NAA16: variants seen among roughly 807,000 people sequenced by gnomAD.
NAA16 encodes NARG1-like protein.
A neutral mutation model predicts 110.3 loss-of-function variants in NAA16; 97 were observed. The observed-to-expected ratio is 0.88, with a 90% CI of 0.75 to 1.04. The LOEUF (loss-of-function observed/expected upper bound fraction) is 1.04, where lower values mean the gene tolerates loss of function less well. Among genes scored for constraint, NAA16 ranks in the 50% least tolerant of loss-of-function variants. The pLI is 0.00. For missense variants in NAA16, 1,017 were observed against 1,005.1 expected, an observed-to-expected ratio of 1.01 and a Z score of -0.16; for synonymous variants, 372 against 330.6, an observed-to-expected ratio of 1.13 and a Z score of -1.36.
chr13:41,346,009 A>G (rs553812363), intron 9 of NAA16, among the ~76,000 whole-genome samples: 23 of 152,320 alleles, frequency 1.5e-4, no homozygotes, highest in African/African-American at 4.8e-4. Context: ...TTTAATTTGG[A>G]TGAAGTCCAG....
intron 13 of NAA16, among the ~76,000 whole-genome samples, chr13:41,366,463 G>C (rs776015259): frequency 6.6e-6 from 1 of 152,080 alleles, no homozygotes; most frequent in Non-Finnish European, 1.5e-5. Context: ...AAAAACTAAC[G>C]TATGAAAAAA....
chr13:41,349,043 G>T (rs550950733), intron 9 of NAA16, among the ~76,000 whole-genome samples: 1 of 152,026 alleles, frequency 6.6e-6, no homozygotes, highest in African/African-American at 2.4e-5. Context: ...CTAGCTAAAG[G>T]TTTGCCAATT....
At position 41,331,338 on chromosome 13, in the gene NAA16, A is replaced by G. The variant is rs770101752; in HGVS notation, c.876A>G (p.Thr292=). ...GTAAGCAGCACCCCAAAGCAATTAC[A>G]CCCAGAAGATTACCTTTGACTCTTG... ...EISKQHPKAI[T]PRRLPLTLVP... is the part of the protein sequence containing the mutation. The change falls in exon 8 of 20, where the codon ACA becomes ACG. Residue 292 remains threonine, a synonymous_variant. Coordinates refer to ENST00000379406, the MANE Select transcript of NAA16 (RefSeq NM_024561.5). 2.5e-6 allele frequency: 4 copies of G among 1,609,356 alleles called. No individual in the cohort carries two copies. The highest frequency in any genetic ancestry group is 2.5e-6 in the Non-Finnish European group (3 of 1,177,080).
At chr13:41,344,344 G>A (rs9566750) in intron 9 of NAA16, among the ~76,000 whole-genome samples, 14,190 of 152,262 alleles carry the variant, frequency 0.093, 788 homozygotes, top group East Asian at 0.23. Flanking sequence ...ACCAGATTTG[G>A]TGATTTTTAT....
At position 41,323,084 on chromosome 13, in the gene NAA16, G is replaced by A. The variant is rs1379207836; in HGVS notation, c.431G>A (p.Arg144His). ...ACAAGATACCAGCTTCTTCAGTTGC[G>A]CCCCACACAGCGTGCCTCCTGGATT... is the stretch of plus-strand genomic sequence containing the variant. The part of the protein sequence containing the change: ...RETRYQLLQL[R>H]PTQRASWIGY... Residue 144 changes from arginine to histidine, a missense_variant, in exon 5 of 20, where the codon CGC becomes CAC. Coordinates refer to ENST00000379406, the MANE Select transcript of NAA16 (RefSeq NM_024561.5). 3.1e-6 allele frequency: 5 copies of A among 1,613,922 alleles called. No homozygotes were observed. The highest frequency in any genetic ancestry group is 1.1e-5 in the South Asian group (1 of 91,060).
intron 9 of NAA16, among the ~76,000 whole-genome samples, chr13:41,341,941 C>T (rs2042560116): frequency 6.6e-6 from 1 of 151,058 alleles, no homozygotes; most frequent in Non-Finnish European, 1.5e-5. Context: ...GCGCCATTCT[C>T]CTGCCTCAGC....
chr13:41,336,473 A>G (rs532224424), intron 8 of NAA16, among the ~76,000 whole-genome samples, 177 bp from the exon 9 acceptor site: 1 of 152,324 alleles, frequency 6.6e-6, no homozygotes, highest in African/African-American at 2.4e-5. Context: ...GATATTTGAT[A>G]TTGTGCTAAA....
At chr13:41,353,879 T>C (rs2042910337) in intron 9 of NAA16, among the ~76,000 whole-genome samples, 1 of 152,146 alleles carries the variant, frequency 6.6e-6, no homozygotes, top group South Asian at 2.1e-4. Context: ...GTATTATTAA[T>C]GATCTGAAGA....
intron 4 of NAA16, 123 bp downstream of exon 4, chr13:41,320,947 A>G: frequency 2.4e-6 from 2 of 830,148 alleles, no homozygotes; most frequent in Non-Finnish European, 3.6e-6. Context: ...TAGAAGGTGT[A>G]TGTCGCTTGG....
intron 9 of NAA16, among the ~76,000 whole-genome samples, chr13:41,341,484 A>C (rs2042545255): frequency 1.3e-5 from 2 of 152,174 alleles, no homozygotes; most frequent in South Asian, 2.1e-4. Flanking sequence ...TGGGAGGCTG[A>C]GGTGGGAGGA....
intron 4 of NAA16, among the ~76,000 whole-genome samples, chr13:41,322,119 C>T (rs9532786): frequency 0.95 from 144,245 of 152,272 alleles, 68,392 homozygotes; most frequent in South Asian, 0.99. Flanking sequence ...CTTGGTATTA[C>T]GTGTCTTAGT....
At position 41,311,484 on chromosome 13, in the gene NAA16, GCACCTAGCCTCCCTGCCGGC is replaced by G. The variant is rs762382140; in HGVS notation, c.-21_-2del. 5.0e-4 allele frequency: 784 copies of G among 1,560,186 alleles called. 6 individuals carry two copies. The highest frequency in any genetic ancestry group is 2.1e-3 in the South Asian group (182 of 85,208). On this transcript the variant is annotated 5_prime_UTR_variant, in exon 1 of 20. Transcript: ENST00000379406. The stretch of plus-strand genomic sequence containing the variant: ...CACCCCCGCGAAGCGGAGCGCCCGG[GCACCTAGCCTCCCTGCCGGC>G]CACCTAGCCTCCCTGCCGGCCACGA...
intron 9 of NAA16, among the ~76,000 whole-genome samples, chr13:41,340,152 C>T (rs1327847562): frequency 6.6e-6 from 1 of 151,892 alleles, no homozygotes; most frequent in South Asian, 2.1e-4. Context: ...GTGTCCTGTC[C>T]ATAACAGATA....
chr13:41,368,471 T>C, intron 14 of NAA16, among the ~76,000 whole-genome samples: 1 of 152,212 alleles, frequency 6.6e-6, no homozygotes. Flanking sequence ...TGGTCAATTT[T>C]AGTTAATGCA....
At chr13:41,316,794 C>T (rs1457794156) in intron 1 of NAA16, 52 bp from the exon 2 acceptor site, 1 of 1,205,954 alleles carries the variant, frequency 8.3e-7, no homozygotes, top group Non-Finnish European at 1.2e-6. Flanking sequence ...TGAGAAGTTG[C>T]TCCATTATGT....
At chr13:41,359,017 GT>G in intron 12 of NAA16, 55 bp downstream of exon 12, 1 of 1,442,456 alleles carries the variant, frequency 6.9e-7, no homozygotes. Context: ...AGTTTGTGAA[GT>G]TTGTCTAAAT....
At chr13:41,354,437 A>G (rs1475633213) in intron 9 of NAA16, 2 of 152,258 alleles carry the variant, frequency 1.3e-5, no homozygotes, top group African/African-American at 4.8e-5. Flanking sequence ...GAGGGGAACC[A>G]TAGTGAATTT....
chr13:41,344,431 G>T lies in NAA16; in HGVS notation c.1014+7675G>T, dbSNP rs569075631. On this transcript the variant is annotated intron_variant, in intron 9 of 19. Transcript: ENST00000379406. Reference sequence around the variant, plus strand: ...TTTAGAGCAGTACTTCTTAATGAGGGTGTTGGGGAGTGGATTTTTTCCCCT... The same window carrying T: ...TTTAGAGCAGTACTTCTTAATGAGGTTGTTGGGGAGTGGATTTTTTCCCCT... Among the ~76,000 whole-genome samples the T allele has an allele frequency of 2.0e-5, 3 of 152,354 alleles. No individual in the cohort carries two copies. The South Asian group carries it at 6.2e-4, about 32-fold the overall frequency.
intron 9 of NAA16, among the ~76,000 whole-genome samples, chr13:41,351,415 T>A (rs922231054): frequency 1.3e-5 from 2 of 152,220 alleles, no homozygotes; most frequent in African/African-American, 4.8e-5. Flanking sequence ...TATCAGAACC[T>A]AATTCAGCAA....
Sources: gnomAD v4.1 joint callset for allele counts (sites outside exome capture counted in the v4.1 genomes callset) on GRCh38, gnomAD v4.1.1 for gene constraint, MANE v1.5 for transcripts, NCBI Gene and HGNC (gene_info 2026-07-23, HGNC 2026-07-21) for gene names.